ERCC6L2: variants seen among roughly 807,000 people sequenced by gnomAD.
ERCC6L2 encodes DNA excision repair protein ERCC-6-like 2.
In ERCC6L2, 77 loss-of-function variants were observed where a neutral mutation model predicts 132.0. The observed-to-expected ratio is 0.58, with a 90% CI of 0.49 to 0.71. ERCC6L2 has a LOEUF of 0.71. Ranked by LOEUF, ERCC6L2 falls within the 30% of genes least tolerant of loss-of-function variation. ERCC6L2 has a pLI of 0.00. For synonymous variants in ERCC6L2, 583 were observed against 632.4 expected (o/e 0.92, Z 1.17); for missense variants, 1,542 against 1,837.6 (o/e 0.84, Z 2.94).
In ERCC6L2 at chr9:95,915,848, T is replaced by A. The variant is rs1829558799; in HGVS notation, c.950+19T>A. 5.1e-6 allele frequency: 8 copies of A among 1,571,332 alleles called. No homozygotes were observed. The highest frequency in any genetic ancestry group is 6.0e-6 in the Non-Finnish European group (7 of 1,162,606). On this transcript the variant is annotated intron_variant, in intron 5 of 18. Transcript: ENST00000653738. ...TGGACTGGTGAGAGAAAACACTTTT[T>A]AAAAAATTGTTTAATAGTTCTTCAG...
intron 2 of ERCC6L2, among the ~76,000 whole-genome samples, chr9:95,897,298 G>A (rs545078764): frequency 2.0e-5 from 3 of 152,304 alleles, no homozygotes; most frequent in African/African-American, 7.2e-5. Flanking sequence ...TTTATTATAT[G>A]AGGTTATGGT....
intron 17 of ERCC6L2, among the ~76,000 whole-genome samples, chr9:95,986,685 C>T (rs542394041): frequency 3.9e-5 from 6 of 151,912 alleles, no homozygotes; most frequent in South Asian, 4.2e-4. Context: ...TTAGTAGAGA[C>T]GGGGTTTTGC....
intron 2 of ERCC6L2, among the ~76,000 whole-genome samples, chr9:95,891,382 C>A (rs1366407261): frequency 6.6e-6 from 1 of 152,160 alleles, no homozygotes; most frequent in Admixed American, 6.5e-5. Context: ...GAGGATAAGT[C>A]CACACAGCAT....
At chr9:95,957,240 A>G (rs907566822) in intron 13 of ERCC6L2, among the ~76,000 whole-genome samples, 14 of 152,246 alleles carry the variant, frequency 9.2e-5, no homozygotes, top group South Asian at 4.1e-4. Flanking sequence ...TGCTTCCTAT[A>G]TGTTCAGTTG....
intron 3 of ERCC6L2, 46 bp from the exon 4 acceptor site, chr9:95,907,032 T>TA: frequency 7.1e-7 from 1 of 1,399,518 alleles, no homozygotes; most frequent in Non-Finnish European, 9.9e-7. Context: ...TTGGGATTCT[T>TA]TTTCAGTTTT....
rs1044723590 is a variant in ERCC6L2, at chr9:95,875,816, C to T, written c.-223C>T. On this transcript the variant is annotated 5_prime_UTR_variant, in exon 1 of 19. Transcript: ENST00000653738. ...ACACAGCGTCCCCTGGCTCTGCCGC[C>T]GCTCCGGACGTCGCCCTCCCGTTCT... The T allele has an allele frequency of 1.7e-6, 1 of 576,136 alleles. No homozygotes were observed. Among genetic ancestry groups the T allele is most frequent in the East Asian group, 2.9e-5 (1 of 34,914 alleles). 35.7% of individuals were successfully genotyped at this position (576,136 alleles called of 1,614,324 possible).
intron 4 of ERCC6L2, among the ~76,000 whole-genome samples, chr9:95,911,583 TTG>T (rs1829342675): frequency 6.6e-6 from 1 of 152,150 alleles, no homozygotes; most frequent in African/African-American, 2.4e-5. Flanking sequence ...TTTATTTTGT[TTG>T]TGTTTGGCAA....
chr9:95,957,775 T>C (rs1564261792), intron 13 of ERCC6L2, among the ~76,000 whole-genome samples: 1 of 152,004 alleles, frequency 6.6e-6, no homozygotes, highest in Non-Finnish European at 1.5e-5. Flanking sequence ...CTAAATATGG[T>C]TTAAAGATAG....
chr9:96,030,534 A>T (rs1834443058), intron 19 of ERCC6L2, among the ~76,000 whole-genome samples: 1 of 150,458 alleles, frequency 6.6e-6, no homozygotes, highest in Non-Finnish European at 1.5e-5. Context: ...CGTCTCTACT[A>T]AAAAAAAATA....
chr9:95,967,652 G>C (rs566382481), intron 14 of ERCC6L2: 1 of 152,242 alleles, frequency 6.6e-6, no homozygotes, highest in East Asian at 1.9e-4. Flanking sequence ...TCCTATAAAT[G>C]TTGTTACTAT....
intron 12 of ERCC6L2, among the ~76,000 whole-genome samples, chr9:95,950,988 T>A (rs1015541438): frequency 6.6e-6 from 1 of 152,176 alleles, no homozygotes; most frequent in Non-Finnish European, 1.5e-5. Flanking sequence ...CTAACAGATA[T>A]ATAGAATTTT....
At chr9:95,925,276 T>G (rs1830051881) in intron 9 of ERCC6L2, among the ~76,000 whole-genome samples, 1 of 152,186 alleles carries the variant, frequency 6.6e-6, no homozygotes, top group South Asian at 2.1e-4. Flanking sequence ...ATGAAAATCT[T>G]CACTTTTCTT....
At chr9:95,940,076 T>A (rs1353400991) in intron 11 of ERCC6L2, among the ~76,000 whole-genome samples, 6 of 152,124 alleles carry the variant, frequency 3.9e-5, no homozygotes, top group Non-Finnish European at 7.4e-5. Context: ...CTGTTATCAT[T>A]GGGAAGAAAA....
intron 12 of ERCC6L2, among the ~76,000 whole-genome samples, chr9:95,953,574 C>CAAAA (rs556745003): frequency 1.2e-5 from 1 of 85,952 alleles, no homozygotes; most frequent in African/African-American, 4.1e-5. Context: ...GACTCTGTCT[C>CAAAA]AAAAAAAAAA....
At chr9:95,947,324 A>G (rs1322820957) in intron 12 of ERCC6L2, among the ~76,000 whole-genome samples, 2 of 152,240 alleles carry the variant, frequency 1.3e-5, no homozygotes, top group Non-Finnish European at 2.9e-5. Flanking sequence ...CCATTAAACC[A>G]CAGCCTAATC....
intron 19 of ERCC6L2, among the ~76,000 whole-genome samples, chr9:96,035,994 A>G (rs541974094): frequency 9.8e-5 from 15 of 152,334 alleles, no homozygotes; most frequent in African/African-American, 3.6e-4. Context: ...CCAGACAAAC[A>G]CAATTTTAAA....
chr9:95,875,960 T>G lies in ERCC6L2; in HGVS notation c.-79T>G, dbSNP rs141071823. On this transcript the variant is annotated 5_prime_UTR_variant, in exon 1 of 19. Coordinates refer to ENST00000653738, the MANE Select transcript of ERCC6L2 (RefSeq NM_020207.7). ...GAAGTGGCGTTGGCCGCCATTGGCCTGCCGGCCAGCCACCTTGCTGTCCTC... is the reference window on the plus strand; with the variant it reads ...GAAGTGGCGTTGGCCGCCATTGGCCGGCCGGCCAGCCACCTTGCTGTCCTC... The G allele has an allele frequency of 2.9e-3, 4,357 of 1,497,940 alleles. 26 individuals carry two copies. The highest frequency in any genetic ancestry group is 0.018 in the African/African-American group (1,291 of 72,262). The allele number at this position is 1,497,940 out of a possible 1,614,324, so 92.8% of individuals were successfully genotyped here.
Position 95,921,275 on chromosome 9 carries a change from C to CCTGT in ERCC6L2, c.1260_1263dup (p.Arg422LeufsTer2). On this transcript the variant is annotated frameshift_variant, in exon 7 of 19. Coordinates refer to ENST00000653738, the MANE Select transcript of ERCC6L2 (RefSeq NM_020207.7). LOFTEE classifies it high-confidence loss of function. ...ATACTTCAATCTTCTGAGCCTTGTA[C>CCTGT]CTGTAGGAGTGGCCAAAAAAGGAGA... is the stretch of plus-strand genomic sequence containing the variant. The CCTGT allele has an allele frequency of 6.2e-7, 1 of 1,613,246 alleles. No homozygotes were observed. The highest frequency in any genetic ancestry group is 8.5e-7 in the Non-Finnish European group (1 of 1,179,602).
At chr9:95,963,550 G>T (rs915483139) in intron 13 of ERCC6L2, among the ~76,000 whole-genome samples, 3 of 152,034 alleles carry the variant, frequency 2.0e-5, no homozygotes, top group Admixed American at 2.0e-4. Context: ...TCTCCAAAAT[G>T]CAGTTATTCA....
Sources: gnomAD v4.1 joint callset for allele counts (sites outside exome capture counted in the v4.1 genomes callset) on GRCh38, gnomAD v4.1.1 for gene constraint, MANE v1.5 for transcripts, NCBI Gene and HGNC (gene_info 2026-07-23, HGNC 2026-07-21) for gene names.